Variants in MESD observed in about 807,000 individuals in gnomAD.
MESD encodes mesoderm development LRP chaperone.
A neutral mutation model predicts 12.9 loss-of-function variants in MESD; 7 were observed. The ratio of observed to expected loss-of-function variants is 0.54; its 90% CI spans 0.31 to 1.02. The LOEUF is 1.02. Ranked by LOEUF, MESD falls within the 50% of genes least tolerant of loss-of-function variation. The pLI is 0.05. For missense variants in MESD, 342 were observed against 296.7 expected, an observed-to-expected ratio of 1.15 and a Z score of -1.12; for synonymous variants, 126 against 115.6, an observed-to-expected ratio of 1.09 and a Z score of -0.58.
At chr15:80,986,566 T>C (rs940851851) in intron 1 of MESD, among the ~76,000 whole-genome samples, 3 of 152,180 alleles carry the variant, frequency 2.0e-5, no homozygotes, top group African/African-American at 7.2e-5. Context: ...AGTGTAAAAA[T>C]AGTACCCTAG....
intron 3 of MESD, among the ~76,000 whole-genome samples, chr15:80,963,611 C>G (rs531687339): frequency 6.6e-6 from 1 of 152,190 alleles, no homozygotes; most frequent in Non-Finnish European, 1.5e-5. Flanking sequence ...TCCAGCAGCA[C>G]ATCAGAAAGT....
At chr15:80,955,487 CAAAA>C (rs1169755665) in intron 3 of MESD, among the ~76,000 whole-genome samples, 2 of 45,616 alleles carry the variant, frequency 4.4e-5, no homozygotes, top group African/African-American at 9.1e-5. Context: ...GACTCCGTCT[CAAAA>C]AAAAAAAAAA....
At chr15:80,956,147 G>A (rs1444001671) in intron 3 of MESD, among the ~76,000 whole-genome samples, 1 of 151,976 alleles carries the variant, frequency 6.6e-6, no homozygotes, top group Middle Eastern at 3.2e-3. Flanking sequence ...CCGAGATCGC[G>A]CCACTACACT....
chr15:80,965,764 G>A (rs1199635122), intron 3 of MESD, among the ~76,000 whole-genome samples: 1 of 152,148 alleles, frequency 6.6e-6, no homozygotes, highest in Non-Finnish European at 1.5e-5. Context: ...GAGAACACAT[G>A]GACACAGGGA....
chr15:80,957,120 C>G (rs1372190433), intron 3 of MESD, among the ~76,000 whole-genome samples: 1 of 152,136 alleles, frequency 6.6e-6, no homozygotes, highest in Non-Finnish European at 1.5e-5. Flanking sequence ...CCACCATGCT[C>G]AGCTTCTTCA....
At position 80,956,440 on chromosome 15, in the gene MESD, C is replaced by A. The variant is rs900994221; in HGVS notation, c.*289-4144G>T. Among the ~76,000 whole-genome samples the A allele has an allele frequency of 3.3e-5, 5 of 152,114 alleles. No individual in the cohort carries two copies. The South Asian group carries it at 1.0e-3, about 32-fold the overall frequency. Reference sequence around the variant, plus strand: ...AGAAAAGTTGGGCTTAGGTGTTATTCATGGTGAGAGCAAAAGAAAACAGTT... The same window carrying A: ...AGAAAAGTTGGGCTTAGGTGTTATTAATGGTGAGAGCAAAAGAAAACAGTT... On this transcript the variant is annotated intron_variant, in intron 3 of 4. Transcript: ENST00000561312.
chr15:80,955,616 C>CAT (rs1555440345), intron 3 of MESD, among the ~76,000 whole-genome samples: 2 of 144,902 alleles, frequency 1.4e-5, no homozygotes, highest in African/African-American at 5.2e-5. Context: ...TGTGTTTGTG[C>CAT]GTGTGTGTGT....
In MESD at chr15:80,978,041, T is replaced by G. The variant is rs1392711099; in HGVS notation, c.*1178A>C. 1 of 152,098 alleles carries G rather than the reference T, an allele frequency of 6.6e-6. No homozygotes were observed. Among genetic ancestry groups the G allele is most frequent in the African/African-American group, 2.4e-5 (1 of 41,406 alleles). The allele number at this position is 152,098 out of a possible 1,614,324, so 9.4% of individuals were successfully genotyped here. On this transcript the variant is annotated 3_prime_UTR_variant, in exon 3 of 3. Transcript: ENST00000261758. ...AAACATACATCACCATAAGTACATT[T>G]ACATAAGTAAATGTACTTTTTTTTG...
intron 3 of MESD, among the ~76,000 whole-genome samples, chr15:80,956,993 TA>T (rs1902001219): frequency 1.3e-5 from 2 of 151,970 alleles, no homozygotes; most frequent in Admixed American, 6.5e-5. Flanking sequence ...TTTATTTATT[TA>T]TTTATTTTTT....
At chr15:80,948,776 A>T in exon 5 of MESD, 1 of 1,613,972 alleles carries the variant, frequency 6.2e-7, no homozygotes, top group Non-Finnish European at 8.5e-7. Context: ...TTTGCTCAGG[A>T]GACTCATCAT....
At chr15:80,955,497 A>G (rs1901955506) in intron 3 of MESD, among the ~76,000 whole-genome samples, 1 of 151,328 alleles carries the variant, frequency 6.6e-6, no homozygotes. Context: ...CAAAAAAAAA[A>G]AAAAAAAAGA....
At chr15:80,984,091 G>T (rs1902661986) in intron 1 of MESD, among the ~76,000 whole-genome samples, 1 of 151,874 alleles carries the variant, frequency 6.6e-6, no homozygotes, top group African/African-American at 2.4e-5. Context: ...AGTAGAGACG[G>T]GGTTTTGCCA....
intron 4 of MESD, chr15:80,949,041 T>C: frequency 7.2e-7 from 1 of 1,394,230 alleles, no homozygotes; most frequent in East Asian, 2.3e-5. Context: ...GGGAAGGCCG[T>C]GTTTCAGCCC....
chr15:80,987,915 A>T (rs12438255), intron 1 of MESD, among the ~76,000 whole-genome samples: 39,048 of 152,230 alleles, frequency 0.26, 6,299 homozygotes, highest in East Asian at 0.49. Context: ...GCAAAGGCCA[A>T]GAGTTCAAAA....
At chr15:80,968,645 C>T (rs1331041449) in intron 3 of MESD, among the ~76,000 whole-genome samples, 1 of 150,938 alleles carries the variant, frequency 6.6e-6, no homozygotes, top group Non-Finnish European at 1.5e-5. Context: ...CACCTCTTTA[C>T]TTTAAAAATA....
chr15:80,953,008 C>A, intron 3 of MESD: 1 of 455,948 alleles, frequency 2.2e-6, no homozygotes, highest in Non-Finnish European at 4.4e-6. Flanking sequence ...CAGGGAAGGT[C>A]AGTGAGTGGA....
intron 3 of MESD, among the ~76,000 whole-genome samples, chr15:80,964,886 T>C (rs993233183): frequency 2.6e-5 from 4 of 152,302 alleles, no homozygotes; most frequent in South Asian, 2.1e-4. Flanking sequence ...ATTCAGGACA[T>C]AGGCATGGGC....
At chr15:80,989,275 A>T (rs181355754) in intron 1 of MESD, among the ~76,000 whole-genome samples, 3 of 152,330 alleles carry the variant, frequency 2.0e-5, no homozygotes, top group Admixed American at 2.0e-4. Flanking sequence ...CAACCAGGGC[A>T]CTGAAGGGTG....
At chr15:80,975,556 C>T (rs1902388066), downstream of MESD, among the ~76,000 whole-genome samples, 1 of 151,600 alleles carries the variant, frequency 6.6e-6, no homozygotes, top group Non-Finnish European at 1.5e-5. Flanking sequence ...ATCAGGGACA[C>T]AGGAAAAAGT....
Sources: gnomAD v4.1 joint callset for allele counts (sites outside exome capture counted in the v4.1 genomes callset) on GRCh38, gnomAD v4.1.1 for gene constraint, MANE v1.5 for transcripts, NCBI Gene and HGNC (gene_info 2026-07-23, HGNC 2026-07-21) for gene names.